The following DOCK5 variants were observed in gnomAD, a reference collection of about 807,000 sequenced individuals.
The protein encoded by DOCK5 is dedicator of cytokinesis protein 5.
A neutral mutation model predicts 251.8 loss-of-function variants in DOCK5; 142 were observed. The ratio of observed to expected loss-of-function variants is 0.56; its 90% CI spans 0.49 to 0.65. DOCK5 has a LOEUF of 0.65. Among genes scored for constraint, DOCK5 ranks in the 30% least tolerant of loss-of-function variants. DOCK5 has a pLI of 0.00. For missense variants in DOCK5, 2,111 were observed against 2,312.3 expected, an observed-to-expected ratio of 0.91 and a Z score of 1.79; for synonymous variants, 842 against 835.5, an observed-to-expected ratio of 1.01 and a Z score of -0.13.
At chr8:25,380,520 C>G (rs775971038) in intron 39 of DOCK5, 126 bp downstream of exon 39, 17 of 783,642 alleles carry the variant, frequency 2.2e-5, no homozygotes, top group Non-Finnish European at 3.5e-5. Flanking sequence ...GTCAACTTTG[C>G]TTGAAATGAG....
intron 1 of DOCK5, among the ~76,000 whole-genome samples, chr8:25,194,546 T>A (rs143533218): frequency 2.6e-5 from 4 of 152,256 alleles, no homozygotes; most frequent in Non-Finnish European, 5.9e-5. Context: ...TGATAACAAG[T>A]GATCTCATCC....
At chr8:25,404,082 C>G (rs957721712) in intron 48 of DOCK5, among the ~76,000 whole-genome samples, 1 of 152,142 alleles carries the variant, frequency 6.6e-6, no homozygotes, top group Non-Finnish European at 1.5e-5. Context: ...TCCCTTTAAT[C>G]TGAGACTTCC....
chr8:25,313,699 G>C (rs11994975), intron 13 of DOCK5, among the ~76,000 whole-genome samples: 124,693 of 152,128 alleles, frequency 0.82, 51,316 homozygotes, highest in Middle Eastern at 0.93. Context: ...TGTGAGGCCT[G>C]TCTCCTTGGC....
intron 26 of DOCK5, 22 bp from the exon 27 acceptor site, chr8:25,351,709 T>C: frequency 1.9e-6 from 3 of 1,598,734 alleles, no homozygotes; most frequent in Non-Finnish European, 2.6e-6. Flanking sequence ...AGGAATGGAG[T>C]CAAATCCTGT....
chr8:25,208,531 C>A (rs768197273), intron 1 of DOCK5, among the ~76,000 whole-genome samples: 39 of 152,298 alleles, frequency 2.6e-4, no homozygotes, highest in Non-Finnish European at 5.1e-4. Flanking sequence ...AAAGCAAGAC[C>A]CTTCACCAGC....
intron 2 of DOCK5, among the ~76,000 whole-genome samples, chr8:25,261,229 C>T (rs568343313): frequency 1.3e-5 from 2 of 151,926 alleles, no homozygotes; most frequent in South Asian, 4.2e-4. Flanking sequence ...ATATTTTTTT[C>T]TTTCCATTAT....
Position 25,300,634 on chromosome 8 carries a change from A to G in DOCK5, c.823A>G (p.Asn275Asp), listed in dbSNP as rs2117165769. ...NGMPKEIEKLNNLQAVFTDLS... is the reference protein window; with the variant it reads ...NGMPKEIEKLDNLQAVFTDLS... ...GATGCCCAAGGAAATAGAGAAGCTC[A>G]ATAACCTCCAAGCAGTGTTTACAGT... Residue 275 changes from asparagine (N) to aspartate (D), a missense_variant, in exon 9 of 52, where the codon AAT becomes GAT. Coordinates refer to ENST00000276440, the MANE Select transcript of DOCK5 (RefSeq NM_024940.8). 1 of 1,613,180 alleles carries G rather than the reference A, an allele frequency of 6.2e-7. No individual in the cohort carries two copies. The highest frequency in any genetic ancestry group is 2.2e-5 in the East Asian group (1 of 44,858).
chr8:25,272,008 AATACATACATACATAT>A, intron 3 of DOCK5, among the ~76,000 whole-genome samples: 1 of 152,302 alleles, frequency 6.6e-6, no homozygotes, highest in East Asian at 1.9e-4. Flanking sequence ...CTATATAACT[AATACATACATACATAT>A]ATACATACAT....
rs554975922 is a variant in DOCK5, at chr8:25,186,621, C to T, written c.43+1670C>T. Among the ~76,000 whole-genome samples the T allele has an allele frequency of 8.5e-5, 13 of 152,190 alleles. 1 individual carries two copies. In the East Asian group the frequency reaches 2.5e-3, roughly 29 times the overall value. ...CTCAAACTCCTGACCTCAGGTGATC[C>T]GCCTGCCTCGGCCTCCCAAAGTGTT... On this transcript the variant is annotated intron_variant, in intron 1 of 51. Coordinates refer to ENST00000276440, the MANE Select transcript of DOCK5 (RefSeq NM_024940.8).
intron 46 of DOCK5, among the ~76,000 whole-genome samples, chr8:25,400,721 C>T (rs1801424583): frequency 6.6e-6 from 1 of 152,096 alleles, no homozygotes; most frequent in Non-Finnish European, 1.5e-5. Context: ...AGTTTAGGGC[C>T]AACCTGTATT....
intron 1 of DOCK5, among the ~76,000 whole-genome samples, chr8:25,223,164 A>T (rs952339404): frequency 5.9e-5 from 9 of 152,330 alleles, no homozygotes; most frequent in Admixed American, 2.0e-4. Flanking sequence ...TTTAAAAAAA[A>T]TTTTTGAAAT....
chr8:25,252,137 G>A (rs1803289172), intron 2 of DOCK5, among the ~76,000 whole-genome samples: 1 of 152,050 alleles, frequency 6.6e-6, no homozygotes, highest in African/African-American at 2.4e-5. Flanking sequence ...CTGTCTGATT[G>A]TCACATTCTG....
intron 27 of DOCK5, among the ~76,000 whole-genome samples, chr8:25,352,989 G>A (rs1275226746): frequency 6.6e-6 from 1 of 152,098 alleles, no homozygotes; most frequent in Non-Finnish European, 1.5e-5. Context: ...CCAGGGAGAG[G>A]CCACAGCCAT....
chr8:25,304,138 C>G (rs1002076367), intron 10 of DOCK5, 117 bp from the exon 11 acceptor site: 9 of 843,556 alleles, frequency 1.1e-5, no homozygotes, highest in Non-Finnish European at 1.6e-5. Flanking sequence ...AAAAAAGTCC[C>G]TGCTTAGTAC....
chr8:25,248,465 T>G (rs1803176133), intron 2 of DOCK5, among the ~76,000 whole-genome samples: 1 of 152,138 alleles, frequency 6.6e-6, no homozygotes, highest in African/African-American at 2.4e-5. Context: ...ATTGTGGCCC[T>G]GGGATTCGTG....
intron 30 of DOCK5, among the ~76,000 whole-genome samples, chr8:25,366,104 A>G (rs1472429906): frequency 2.0e-5 from 3 of 152,186 alleles, no homozygotes; most frequent in Non-Finnish European, 4.4e-5. Flanking sequence ...TGATGTATTT[A>G]ACCAAATTCT....
intron 5 of DOCK5, among the ~76,000 whole-genome samples, chr8:25,289,843 CA>C (rs748634426): frequency 1.3e-5 from 2 of 151,010 alleles, no homozygotes; most frequent in Admixed American, 6.6e-5. Context: ...ACTCCGTTTC[CA>C]AAAAAAAGAA....
Position 25,368,244 on chromosome 8 carries a change from A to T in DOCK5, c.3277A>T (p.Asn1093Tyr). The change falls in exon 32 of 52, where the codon AAC becomes TAC. Residue 1093 changes from asparagine (N) to tyrosine (Y), a missense_variant. Physicochemically the swap from Asn to Tyr is moderately radical, Grantham distance 143. Transcript: ENST00000276440. ...CTTTAGAATCCGGGACATGTGGTAT[A>T]ACCTGGGTGAGTGTCTAGCCTTGAA... ...IGFRIRDMWY[N>Y]LGPHKIKFIP... 6.2e-7 allele frequency: 1 copy of T among 1,612,536 alleles called. No homozygotes were observed. The highest frequency in any genetic ancestry group is 1.3e-5 in the African/African-American group (1 of 75,068).
At chr8:25,217,137 C>T (rs1409859952) in intron 1 of DOCK5, among the ~76,000 whole-genome samples, 14 of 147,854 alleles carry the variant, frequency 9.5e-5, no homozygotes, top group Non-Finnish European at 1.5e-5. Flanking sequence ...TACACGAATG[C>T]AGGAGAAGGT....
Sources: allele counts gnomAD v4.1 joint callset (sites outside exome capture counted in the v4.1 genomes callset), GRCh38; gene constraint gnomAD v4.1.1; transcripts MANE v1.5; gene names NCBI Gene and HGNC (gene_info 2026-07-23, HGNC 2026-07-21).